CBFB: variants seen among roughly 807,000 people sequenced by gnomAD.
CBFB encodes the protein CBF-beta.
In CBFB, 9 loss-of-function variants were observed where a neutral mutation model predicts 30.4. That is an observed-to-expected ratio of 0.30 (90% CI 0.18 to 0.52). CBFB has a LOEUF of 0.52. CBFB is among the 20% of genes least tolerant of loss of function. CBFB has a pLI of 0.97. For missense variants in CBFB, 170 were observed against 244.0 expected (o/e 0.70, Z 2.02); for synonymous variants, 94 against 84.0 (o/e 1.12, Z -0.65).
At chr16:67,093,940 T>G (rs1034999373) in intron 5 of CBFB, among the ~76,000 whole-genome samples, 3 of 152,196 alleles carry the variant, frequency 2.0e-5, no homozygotes, top group African/African-American at 7.2e-5. Flanking sequence ...AAGCAGCTGC[T>G]TATTCAGCTG....
At chr16:67,040,659 C>T (rs912507973) in intron 3 of CBFB, among the ~76,000 whole-genome samples, 3 of 152,114 alleles carry the variant, frequency 2.0e-5, no homozygotes, top group African/African-American at 4.8e-5. Flanking sequence ...TGAGATACAT[C>T]AGTGAACAGA....
chr16:67,041,920 C>G (rs1211475415), intron 3 of CBFB, among the ~76,000 whole-genome samples: 1 of 146,928 alleles, frequency 6.8e-6, no homozygotes, highest in Non-Finnish European at 1.5e-5. Context: ...TTTTTTTTAC[C>G]CCTGACAAAA....
intron 3 of CBFB, among the ~76,000 whole-genome samples, chr16:67,061,980 C>T (rs149935728): frequency 0.069 from 10,396 of 151,570 alleles, 1,064 homozygotes; most frequent in African/African-American, 0.22. Flanking sequence ...TGCAGTGAGC[C>T]GAGATCGCAC....
chr16:67,036,802 TA>T (rs756589371), intron 3 of CBFB, 47 bp downstream of exon 3: 1 of 1,038,850 alleles, frequency 9.6e-7, no homozygotes, highest in Non-Finnish European at 1.5e-6. Context: ...GTTGTTTTGT[TA>T]GAGATTATCT....
At chr16:67,076,419 T>C (rs1961397664) in intron 4 of CBFB, among the ~76,000 whole-genome samples, 1 of 152,128 alleles carries the variant, frequency 6.6e-6, no homozygotes, top group African/African-American at 2.4e-5. Flanking sequence ...CATCACATGT[T>C]ATATGAATCG....
At chr16:67,075,197 A>ATATG (rs369475383) in intron 4 of CBFB, among the ~76,000 whole-genome samples, 45,762 of 142,500 alleles carry the variant, frequency 0.32, 8,546 homozygotes, top group East Asian at 0.53. Flanking sequence ...CTCAAAAAAA[A>ATATG]TGTGTGTGTG....
chr16:67,075,167 G>T (rs188270612), intron 4 of CBFB, among the ~76,000 whole-genome samples: 69 of 151,542 alleles, frequency 4.6e-4, no homozygotes, highest in African/African-American at 1.5e-3. Context: ...TCCAGCCTGG[G>T]CAACAGAGCG....
chr16:67,040,383 G>C (rs1966510149), intron 3 of CBFB, among the ~76,000 whole-genome samples: 1 of 152,156 alleles, frequency 6.6e-6, no homozygotes, highest in Non-Finnish European at 1.5e-5. Context: ...AGTTGTAAAG[G>C]CTTTAGAGTT....
At chr16:67,050,431 A>G (rs1054090446) in intron 3 of CBFB, among the ~76,000 whole-genome samples, 1 of 151,844 alleles carries the variant, frequency 6.6e-6, no homozygotes, top group Non-Finnish European at 1.5e-5. Flanking sequence ...ACAGATATAC[A>G]TATATACGTA....
intron 3 of CBFB, among the ~76,000 whole-genome samples, chr16:67,053,070 C>T (rs1466421812): frequency 6.6e-6 from 1 of 151,280 alleles, no homozygotes; most frequent in East Asian, 1.9e-4. Flanking sequence ...CAACCCGTCT[C>T]CCCCCACAAA....
intron 2 of CBFB, among the ~76,000 whole-genome samples, chr16:67,032,089 T>G (rs1966361001): frequency 6.6e-6 from 1 of 152,334 alleles, no homozygotes. Context: ...TCTCAGACTT[T>G]GCTGAATGGA....
chr16:67,051,476 CTATA>C (rs750985015), intron 3 of CBFB, among the ~76,000 whole-genome samples: 3 of 150,478 alleles, frequency 2.0e-5, no homozygotes, highest in Admixed American at 6.6e-5. Context: ...TAATATATTG[CTATA>C]TATATATATG....
chr16:67,029,628 G>A (rs899249111), intron 1 of CBFB, 99 bp from the exon 2 acceptor site: 3 of 1,329,672 alleles, frequency 2.3e-6, no homozygotes, highest in Non-Finnish European at 3.1e-6. Context: ...GCCATCGCCC[G>A]CAGCCTCTGC....
chr16:67,088,889 A>AG (rs1252271112), intron 5 of CBFB, among the ~76,000 whole-genome samples: 1 of 152,180 alleles, frequency 6.6e-6, no homozygotes, highest in East Asian at 1.9e-4. Context: ...AAGATTACTA[A>AG]GGGGGGAAGC....
intron 3 of CBFB, among the ~76,000 whole-genome samples, chr16:67,062,881 TA>T (rs1960950719): frequency 6.6e-6 from 1 of 152,144 alleles, no homozygotes; most frequent in African/African-American, 2.4e-5. Flanking sequence ...ATGACTAATA[TA>T]AAATCCAGTT....
chr16:67,044,166 T>C (rs1966582477), intron 3 of CBFB, among the ~76,000 whole-genome samples: 1 of 152,220 alleles, frequency 6.6e-6, no homozygotes, highest in Non-Finnish European at 1.5e-5. Context: ...GGTTTTTACA[T>C]GTATTCTGTG....
intron 4 of CBFB, among the ~76,000 whole-genome samples, chr16:67,074,571 C>A (rs565287843): frequency 6.6e-6 from 1 of 151,870 alleles, no homozygotes; most frequent in Admixed American, 6.6e-5. Context: ...TTAGTAGAGA[C>A]GAGGTTTCAC....
At chr16:67,091,849 TTTGTTG>T (rs556456138) in intron 5 of CBFB, among the ~76,000 whole-genome samples, 8 of 151,538 alleles carry the variant, frequency 5.3e-5, no homozygotes, top group East Asian at 1.9e-4. Flanking sequence ...TCATCTAGGT[TTTGTTG>T]TTGTTGTTGT....
chr16:67,081,890 G>A (rs1024701791), intron 4 of CBFB, among the ~76,000 whole-genome samples: 4 of 145,118 alleles, frequency 2.8e-5, no homozygotes, highest in Non-Finnish European at 6.0e-5. Flanking sequence ...GCGCAATCTC[G>A]GCTCACTGCA....
Sources: allele counts gnomAD v4.1 joint callset (sites outside exome capture counted in the v4.1 genomes callset), GRCh38; gene constraint gnomAD v4.1.1; transcripts MANE v1.5; gene names NCBI Gene and HGNC (gene_info 2026-07-23, HGNC 2026-07-21).